SLC25A42: variants seen among roughly 807,000 people sequenced by gnomAD.
The protein encoded by SLC25A42 is solute carrier family 25 member 42, also known as mitochondrial coenzyme A transporter SLC25A42.
A neutral mutation model predicts 34.7 loss-of-function variants in SLC25A42; 19 were observed. That is an observed-to-expected ratio of 0.55 (90% CI 0.38 to 0.80). The LOEUF is 0.80. SLC25A42 is among the 30% of genes least tolerant of loss of function. The pLI is 0.00. For synonymous variants in SLC25A42, 205 were observed against 191.2 expected (o/e 1.07, Z -0.59); for missense variants, 364 against 441.3 (o/e 0.82, Z 1.57).
chr19:19,072,491 C>A (rs1365030793), intron 1 of SLC25A42, among the ~76,000 whole-genome samples: 9 of 151,806 alleles, frequency 5.9e-5, no homozygotes, highest in Admixed American at 4.6e-4. Flanking sequence ...GATTCTCATG[C>A]CTCAGCCTCC....
rs1183162890 is a variant in SLC25A42 at position 19,110,950 on chromosome 19, G to C, written c.*74G>C. ...TCTGGGCCCATGGAACGGTGGGGGG[G>C]TGCGCTTGATTCTACTTCAGGAGGC... On this transcript the variant is annotated 3_prime_UTR_variant, in exon 8 of 8. Coordinates refer to ENST00000318596, the MANE Select transcript of SLC25A42 (RefSeq NM_178526.5). 11 of 1,538,592 alleles carry C rather than the reference G, an allele frequency of 7.1e-6. No homozygotes were observed. The East Asian group carries it at 9.1e-5, about 13-fold the overall frequency.
chr19:19,095,873 A>T (rs571401513), intron 1 of SLC25A42: 1 of 590,326 alleles, frequency 1.7e-6, no homozygotes, highest in Non-Finnish European at 3.1e-6. Context: ...CCAGATTTGG[A>T]AAAAGAACAG....
intron 1 of SLC25A42, among the ~76,000 whole-genome samples, chr19:19,080,110 T>C (rs1474558522): frequency 1.3e-5 from 2 of 152,268 alleles, no homozygotes; most frequent in Non-Finnish European, 2.9e-5. Flanking sequence ...GTGTTCCGCA[T>C]GTGTAGGCTT....
At chr19:19,104,160 G>A (rs535991639) in intron 3 of SLC25A42, among the ~76,000 whole-genome samples, 3 of 152,244 alleles carry the variant, frequency 2.0e-5, no homozygotes, top group Admixed American at 6.5e-5. Context: ...TGATCCACCC[G>A]CCTCAGCCTC....
At chr19:19,110,083 A>G (rs1001573816) in intron 7 of SLC25A42, among the ~76,000 whole-genome samples, 1 of 152,074 alleles carries the variant, frequency 6.6e-6, no homozygotes, top group African/African-American at 2.4e-5. Context: ...TCGGTGGCTC[A>G]TGTCTGTAAT....
At chr19:19,100,944 C>T (rs983109201) in intron 2 of SLC25A42, among the ~76,000 whole-genome samples, 4 of 152,176 alleles carry the variant, frequency 2.6e-5, no homozygotes, top group Non-Finnish European at 4.4e-5. Flanking sequence ...GTCCCATGGC[C>T]GAGTCCACTG....
At chr19:19,095,073 C>T (rs1297848888) in intron 1 of SLC25A42, among the ~76,000 whole-genome samples, 1 of 151,900 alleles carries the variant, frequency 6.6e-6, no homozygotes, top group Admixed American at 6.6e-5. Context: ...TGGTAGTAAA[C>T]GTCTGTAATC....
In SLC25A42 at chr19:19,111,457, G is replaced by A. The variant is rs1395755296; in HGVS notation, c.*581G>A. 1.3e-5 allele frequency: 2 copies of A among 159,724 alleles called. No homozygotes were observed. The highest frequency in any genetic ancestry group is 3.8e-4 in the East Asian group (2 of 5,240). The allele number at this position is 159,724 out of a possible 1,614,324, so 9.9% of individuals were successfully genotyped here. On this transcript the variant is annotated 3_prime_UTR_variant, in exon 8 of 8. Transcript: ENST00000318596. ...TTTCCCACATGGCCACGACTCCTCA[G>A]TCACTAGAGCCTCCTGCTGGGAACA...
chr19:19,070,242 G>A (rs2059622229), intron 1 of SLC25A42, among the ~76,000 whole-genome samples: 1 of 150,614 alleles, frequency 6.6e-6, no homozygotes, highest in Non-Finnish European at 1.5e-5. Flanking sequence ...TGATCCGCCT[G>A]CCTCGGCCTC....
At chr19:19,091,905 T>C (rs1200671958) in intron 1 of SLC25A42, among the ~76,000 whole-genome samples, 1 of 152,136 alleles carries the variant, frequency 6.6e-6, no homozygotes, top group Non-Finnish European at 1.5e-5. Flanking sequence ...AAAAAGAATG[T>C]CATGAAAACC....
chr19:19,080,773 A>G (rs574125061), intron 1 of SLC25A42, among the ~76,000 whole-genome samples: 29 of 151,950 alleles, frequency 1.9e-4, no homozygotes, highest in Admixed American at 7.2e-4. Flanking sequence ...CACAAAAATT[A>G]GCTGGGCTTG....
At chr19:19,084,291 T>C (rs1288884648) in intron 1 of SLC25A42, among the ~76,000 whole-genome samples, 1 of 152,206 alleles carries the variant, frequency 6.6e-6, no homozygotes, top group Non-Finnish European at 1.5e-5. Context: ...GGCCCACAGA[T>C]GCTCTGACAT....
At chr19:19,085,878 G>T (rs549917750) in intron 1 of SLC25A42, among the ~76,000 whole-genome samples, 12 of 152,296 alleles carry the variant, frequency 7.9e-5, no homozygotes, top group Admixed American at 7.2e-4. Context: ...CAGGGTCAGG[G>T]TGCACTCTGC....
chr19:19,083,224 C>T (rs1337863455), intron 1 of SLC25A42, among the ~76,000 whole-genome samples: 2 of 152,194 alleles, frequency 1.3e-5, no homozygotes, highest in African/African-American at 4.8e-5. Flanking sequence ...GATTACAAGG[C>T]GTGAGCCACT....
Position 19,111,169 on chromosome 19 carries a change from G to A in SLC25A42, c.*293G>A. On this transcript the variant is annotated 3_prime_UTR_variant, in exon 8 of 8. Transcript: ENST00000318596. Reference sequence around the variant, plus strand: ...AGGTGTTGCCCAAAAGGCCCTAGTGGGGCGTGGTCAGCTCCACCTCCTGAT... The same window carrying A: ...AGGTGTTGCCCAAAAGGCCCTAGTGAGGCGTGGTCAGCTCCACCTCCTGAT... The A allele has an allele frequency of 2.1e-6, 1 of 480,832 alleles. No individual in the cohort carries two copies. Among genetic ancestry groups the A allele is most frequent in the Non-Finnish European group, 3.8e-6 (1 of 266,636 alleles). The allele number at this position is 480,832 out of a possible 1,614,324, so 29.8% of individuals were successfully genotyped here. A position where few individuals can be genotyped will look rare whatever the true frequency, so the allele number is the denominator to read the frequency against.
At chr19:19,094,860 G>C (rs986477782) in intron 1 of SLC25A42, among the ~76,000 whole-genome samples, 3 of 152,106 alleles carry the variant, frequency 2.0e-5, no homozygotes, top group Non-Finnish European at 4.4e-5. Flanking sequence ...GGGCAACATA[G>C]TGAGTCACTG....
At chr19:19,091,937 C>A (rs985741383) in intron 1 of SLC25A42, among the ~76,000 whole-genome samples, 2 of 152,196 alleles carry the variant, frequency 1.3e-5, no homozygotes, top group African/African-American at 4.8e-5. Flanking sequence ...TGGTTGCAGG[C>A]ATTGGTGCCC....
intron 1 of SLC25A42, among the ~76,000 whole-genome samples, chr19:19,088,372 A>G (rs1176149962): frequency 6.6e-6 from 1 of 150,568 alleles, no homozygotes; most frequent in Non-Finnish European, 1.5e-5. Flanking sequence ...CGCCTGGCTA[A>G]TTTTTTTGTA....
At chr19:19,101,465 G>A (rs537541376) in intron 2 of SLC25A42, among the ~76,000 whole-genome samples, 58 of 152,340 alleles carry the variant, frequency 3.8e-4, no homozygotes, top group African/African-American at 1.4e-3. Context: ...GGTGCACACA[G>A]GCTGTGGAGG....
Sources: gnomAD v4.1 joint callset for allele counts (sites outside exome capture counted in the v4.1 genomes callset) on GRCh38, gnomAD v4.1.1 for gene constraint, MANE v1.5 for transcripts, NCBI Gene and HGNC (gene_info 2026-07-23, HGNC 2026-07-21) for gene names.